GALNT13: variants seen among roughly 807,000 people sequenced by gnomAD.
GALNT13 encodes the protein polypeptide N-acetylgalactosaminyltransferase 13, also known as UDP-GalNAc:polypeptide N-acetylgalactosaminyltransferase 13.
Under a neutral mutation model 64.2 loss-of-function variants are expected in GALNT13, and 28 were observed. The ratio of observed to expected loss-of-function variants is 0.44; its 90% CI spans 0.32 to 0.60. The LOEUF is 0.60. Among genes scored for constraint, GALNT13 ranks in the 20% least tolerant of loss-of-function variants. GALNT13 has a pLI of 0.05. For synonymous variants in GALNT13, 214 were observed against 224.6 expected (o/e 0.95, Z 0.42); for missense variants, 577 against 669.8 (o/e 0.86, Z 1.53).
chr2:154,064,703 G>A (rs977068723), intron 3 of GALNT13, among the ~76,000 whole-genome samples: 4 of 152,038 alleles, frequency 2.6e-5, no homozygotes, highest in South Asian at 2.1e-4. Context: ...CCAAAGAACC[G>A]TGGGACCCTG....
intron 3 of GALNT13, among the ~76,000 whole-genome samples, chr2:154,006,654 C>A (rs563650075): frequency 6.6e-6 from 1 of 152,158 alleles, no homozygotes; most frequent in East Asian, 1.9e-4. Flanking sequence ...AACACAATGA[C>A]CATGGTAGGG....
chr2:153,573,658 A>G, the GALNT13 span, among the ~76,000 whole-genome samples: 1 of 152,096 alleles, frequency 6.6e-6, no homozygotes, highest in Non-Finnish European at 1.5e-5. Flanking sequence ...GTGATAACAC[A>G]TTATTTTAAC....
At chr2:153,415,318 A>G in the GALNT13 span, among the ~76,000 whole-genome samples, 35 of 152,168 alleles carry the variant, frequency 2.3e-4, no homozygotes, top group East Asian at 6.6e-3. Context: ...CTAGTTCACA[A>G]CCTCTGATAA....
the GALNT13 span, among the ~76,000 whole-genome samples, chr2:153,309,351 T>C: frequency 6.6e-6 from 1 of 152,152 alleles, no homozygotes; most frequent in Non-Finnish European, 1.5e-5. Context: ...ATTACCTTTC[T>C]ATAACATGTA....
At chr2:153,722,162 G>A in the GALNT13 span, among the ~76,000 whole-genome samples, 33 of 144,536 alleles carry the variant, frequency 2.3e-4, no homozygotes, top group African/African-American at 8.5e-4. Flanking sequence ...CTCACTCAAA[G>A]CCGCTCAACT....
chr2:153,914,494 A>AT (rs1340897856), intron 2 of GALNT13, among the ~76,000 whole-genome samples: 2 of 151,828 alleles, frequency 1.3e-5, no homozygotes, highest in East Asian at 1.9e-4. Context: ...AAAAAAAAAA[A>AT]AAAAAAAGAT....
chr2:154,444,613 A>G (rs1324656971), intron 12 of GALNT13, among the ~76,000 whole-genome samples: 1 of 152,118 alleles, frequency 6.6e-6, no homozygotes, highest in Non-Finnish European at 1.5e-5. Context: ...GATATGTGTT[A>G]AAGTGTTCAT....
the GALNT13 span, among the ~76,000 whole-genome samples, chr2:153,447,142 A>T: frequency 2.9e-3 from 448 of 152,298 alleles, no homozygotes; most frequent in African/African-American, 0.011. Flanking sequence ...ACCTAACTGC[A>T]AGCGTAAACA....
chr2:154,418,767 G>C (rs938086537), intron 11 of GALNT13, among the ~76,000 whole-genome samples: 1 of 152,168 alleles, frequency 6.6e-6, no homozygotes, highest in African/African-American at 2.4e-5. Flanking sequence ...ATAGCTCAGA[G>C]TTCATAAATA....
chr2:154,406,698 C>G (rs1447984592), intron 10 of GALNT13, among the ~76,000 whole-genome samples: 1 of 152,142 alleles, frequency 6.6e-6, no homozygotes, highest in Non-Finnish European at 1.5e-5. Context: ...TATTTCTTCA[C>G]AGGACTTCTT....
intron 3 of GALNT13, among the ~76,000 whole-genome samples, chr2:154,107,285 C>G (rs931566157): frequency 6.6e-6 from 1 of 152,024 alleles, no homozygotes. Context: ...TTAACTAAAA[C>G]GCATTTGTTA....
At chr2:154,095,392 T>G (rs959475224) in intron 3 of GALNT13, among the ~76,000 whole-genome samples, 20 of 152,080 alleles carry the variant, frequency 1.3e-4, no homozygotes, top group Admixed American at 7.2e-4. Flanking sequence ...TAAAAATGTT[T>G]GTGATAACTG....
the GALNT13 span, among the ~76,000 whole-genome samples, chr2:153,671,259 CGAGGTTGAAATGAAGGA>C: frequency 6.6e-6 from 1 of 152,036 alleles, no homozygotes; most frequent in African/African-American, 2.4e-5. Context: ...TTAGCTTCAC[CGAGGTTGAAATGAAGGA>C]AAAAATGTTA....
At chr2:153,827,433 C>A in the GALNT13 span, among the ~76,000 whole-genome samples, 1 of 152,100 alleles carries the variant, frequency 6.6e-6, no homozygotes, top group African/African-American at 2.4e-5. Context: ...ACCATCCTGG[C>A]TAACACAGTG....
chr2:153,498,967 C>T, the GALNT13 span, among the ~76,000 whole-genome samples: 1 of 152,196 alleles, frequency 6.6e-6, no homozygotes, highest in Non-Finnish European at 1.5e-5. Context: ...CCTGCCTCAG[C>T]CTCCCGAGCA....
intron 3 of GALNT13, among the ~76,000 whole-genome samples, chr2:154,072,292 A>C (rs1700775306): frequency 6.6e-6 from 1 of 152,128 alleles, no homozygotes; most frequent in Non-Finnish European, 1.5e-5. Flanking sequence ...CATGTTTCAA[A>C]GAGTGATAGC....
At chr2:153,619,602 G>A in the GALNT13 span, among the ~76,000 whole-genome samples, 2 of 151,992 alleles carry the variant, frequency 1.3e-5, 1 homozygote, top group Non-Finnish European at 2.9e-5. Flanking sequence ...GACGGGCCTT[G>A]TAGAATGACT....
intron 4 of GALNT13, among the ~76,000 whole-genome samples, chr2:154,151,751 A>G (rs1057024565): frequency 2.0e-5 from 3 of 152,086 alleles, no homozygotes; most frequent in Admixed American, 1.3e-4. Flanking sequence ...TAGGATTGCA[A>G]TCCCTGCCTT....
chr2:154,231,369 G>T (rs1688905551), intron 4 of GALNT13, among the ~76,000 whole-genome samples: 1 of 151,954 alleles, frequency 6.6e-6, no homozygotes, highest in Non-Finnish European at 1.5e-5. Flanking sequence ...TAAAGACATG[G>T]GGGCCTCTTC....
Sources: allele counts gnomAD v4.1 joint callset (sites outside exome capture counted in the v4.1 genomes callset), GRCh38; gene constraint gnomAD v4.1.1; transcripts MANE v1.5; gene names NCBI Gene and HGNC (gene_info 2026-07-23, HGNC 2026-07-21).